Variants in DRC9 observed in about 807,000 individuals in gnomAD.
DRC9 encodes the protein dynein regulatory complex protein 9.
the DRC9 span, chr3:197,914,140 T>TAAGGA: frequency 1.0e-6 from 1 of 995,876 alleles, no homozygotes. Flanking sequence ...TATAAATCAA[T>TAAGGA]AAGGAACTGG....
the DRC9 span, chr3:197,956,116 C>G: frequency 3.4e-6 from 1 of 293,016 alleles, no homozygotes. Flanking sequence ...GCCACCATCC[C>G]TGGGTCATTT....
At chr3:197,924,747 T>A in the DRC9 span, among the ~76,000 whole-genome samples, 72 of 152,288 alleles carry the variant, frequency 4.7e-4, 1 homozygote, top group Non-Finnish European at 4.3e-4. Context: ...CTCGATCTCT[T>A]AACCTCGTGA....
chr3:197,942,956 T>A, the DRC9 span, among the ~76,000 whole-genome samples: 1 of 151,982 alleles, frequency 6.6e-6, no homozygotes, highest in Non-Finnish European at 1.5e-5. Context: ...TATAACTTGA[T>A]AAATGTGTAC....
chr3:197,924,840 G>A, the DRC9 span, among the ~76,000 whole-genome samples: 1 of 152,132 alleles, frequency 6.6e-6, no homozygotes, highest in Non-Finnish European at 1.5e-5. Flanking sequence ...TTTCTAAACT[G>A]CTCCTAGAAA....
chr3:197,893,148 A>G, the DRC9 span, among the ~76,000 whole-genome samples: 1 of 151,536 alleles, frequency 6.6e-6, no homozygotes, highest in Non-Finnish European at 1.5e-5. Context: ...ACCTGTGGTC[A>G]GGAGTTCGAG....
the DRC9 span, chr3:197,956,640 T>TTTTTTTTTTTTTTTTTTTTTA: frequency 6.6e-6 from 1 of 150,982 alleles, no homozygotes; most frequent in African/African-American, 2.5e-5. Flanking sequence ...TTTTTTTTTT[T>TTTTTTTTTTTTTTTTTTTTTA]GAAGACAAGG....
chr3:197,938,864 A>G, the DRC9 span: 4 of 984,390 alleles, frequency 4.1e-6, no homozygotes, highest in Admixed American at 2.1e-5. Flanking sequence ...ATTTTTCAAC[A>G]TTATCTTCTC....
chr3:197,932,942 AAT>A, the DRC9 span, among the ~76,000 whole-genome samples: 4 of 127,560 alleles, frequency 3.1e-5, no homozygotes, highest in Non-Finnish European at 4.7e-5. Flanking sequence ...ATATATGTAT[AAT>A]ATATATTATA....
At chr3:197,921,727 T>C in the DRC9 span, among the ~76,000 whole-genome samples, 1 of 150,632 alleles carries the variant, frequency 6.6e-6, no homozygotes, top group African/African-American at 2.5e-5. Flanking sequence ...CCTGGTTTCA[T>C]CTTGGTCGAC....
chr3:197,898,315 A>C, the DRC9 span, among the ~76,000 whole-genome samples: 1 of 152,242 alleles, frequency 6.6e-6, no homozygotes, highest in South Asian at 2.1e-4. Flanking sequence ...ATTATATATC[A>C]GATCCTGTAA....
the DRC9 span, chr3:197,955,840 TACTACCTTA>T: frequency 7.7e-7 from 1 of 1,298,206 alleles, no homozygotes. Context: ...TTAAAAAACT[TACTACCTTA>T]AATTGATTTG....
the DRC9 span, chr3:197,912,684 C>T: frequency 6.2e-7 from 1 of 1,613,350 alleles, no homozygotes; most frequent in African/African-American, 1.3e-5. Flanking sequence ...CCTGCTGCTC[C>T]TTTCTAAGGA....
At chr3:197,935,500 T>C in the DRC9 span, among the ~76,000 whole-genome samples, 1 of 151,956 alleles carries the variant, frequency 6.6e-6, no homozygotes, top group African/African-American at 2.4e-5. Context: ...ATTAATTAAT[T>C]AGAGACAGGG....
At chr3:197,947,243 A>T in the DRC9 span, among the ~76,000 whole-genome samples, 11 of 151,204 alleles carry the variant, frequency 7.3e-5, no homozygotes, top group African/African-American at 1.5e-4. Flanking sequence ...TAATTTTTAA[A>T]TTTTTTTTTT....
the DRC9 span, among the ~76,000 whole-genome samples, chr3:197,917,684 T>C: frequency 2.9e-3 from 435 of 152,222 alleles, no homozygotes; most frequent in Non-Finnish European, 5.4e-3. Flanking sequence ...TTTTCTTCCA[T>C]TCTTTCTATA....
the DRC9 span, among the ~76,000 whole-genome samples, chr3:197,946,434 C>CAAAAAA: frequency 2.8e-5 from 2 of 72,620 alleles, no homozygotes; most frequent in African/African-American, 4.3e-5. Context: ...GACTCCGTCT[C>CAAAAAA]AAAAAAAAAA....
At chr3:197,916,605 G>A in the DRC9 span, among the ~76,000 whole-genome samples, 1 of 151,838 alleles carries the variant, frequency 6.6e-6, no homozygotes, top group Non-Finnish European at 1.5e-5. Flanking sequence ...CTTGAGATAG[G>A]GTCCACCGTG....
the DRC9 span, among the ~76,000 whole-genome samples, chr3:197,931,660 T>G: frequency 6.6e-6 from 1 of 151,820 alleles, no homozygotes; most frequent in Non-Finnish European, 1.5e-5. Flanking sequence ...CAGGCTGGAG[T>G]GCAGTGGTGC....
At chr3:197,955,273 CTT>C in the DRC9 span, among the ~76,000 whole-genome samples, 14 of 143,782 alleles carry the variant, frequency 9.7e-5, no homozygotes, top group East Asian at 2.0e-4. Flanking sequence ...TTTTCTTTTT[CTT>C]TTTTTTTTTT....
Sources: allele counts gnomAD v4.1 joint callset (sites outside exome capture counted in the v4.1 genomes callset), GRCh38; gene constraint gnomAD v4.1.1; transcripts MANE v1.5; gene names NCBI Gene and HGNC (gene_info 2026-07-23, HGNC 2026-07-21).